Variants in HCN1 observed in about 807,000 individuals in gnomAD.
HCN1 encodes hyperpolarization activated cyclic nucleotide gated potassium channel 1, also known as potassium/sodium hyperpolarization-activated cyclic nucleotide-gated channel 1.
Under a neutral mutation model 78.9 loss-of-function variants are expected in HCN1, and 13 were observed. The ratio of observed to expected loss-of-function variants is 0.16; its 90% CI spans 0.11 to 0.26. HCN1 has a LOEUF of 0.26. Among genes scored for constraint, HCN1 ranks in the 10% least tolerant of loss-of-function variants. The pLI, the probability that HCN1 is intolerant of heterozygous loss-of-function variation, is 1.00. For synonymous variants in HCN1, 552 were observed against 455.5 expected (o/e 1.21, Z -2.70); for missense variants, 810 against 1,154.3 (o/e 0.70, Z 4.32).
chr5:45,633,339 T>C (rs1035569449), intron 2 of HCN1, among the ~76,000 whole-genome samples: 3 of 151,934 alleles, frequency 2.0e-5, no homozygotes, highest in Admixed American at 6.6e-5. Flanking sequence ...CACCTTTTAG[T>C]AAAGCATGGT....
At chr5:45,660,596 A>G (rs1381483356) in intron 1 of HCN1, among the ~76,000 whole-genome samples, 1 of 152,142 alleles carries the variant, frequency 6.6e-6, no homozygotes, top group East Asian at 1.9e-4. Flanking sequence ...TCAAAATAAA[A>G]GCATGGAAGA....
intron 6 of HCN1, among the ~76,000 whole-genome samples, chr5:45,297,174 C>T (rs1004976594): frequency 2.0e-5 from 3 of 152,000 alleles, no homozygotes; most frequent in East Asian, 1.9e-4. Flanking sequence ...TTATGGGAAA[C>T]GAAGAGATGG....
chr5:45,695,557 G>T, intron 1 of HCN1, 112 bp downstream of exon 1: 2 of 1,084,248 alleles, frequency 1.8e-6, no homozygotes, highest in Non-Finnish European at 2.7e-6. Context: ...CGCCGGCAGC[G>T]CCACCCCCCG....
chr5:45,498,145 T>G (rs944632394), intron 2 of HCN1, among the ~76,000 whole-genome samples: 3 of 152,210 alleles, frequency 2.0e-5, no homozygotes, highest in African/African-American at 4.8e-5. Context: ...CTTGCTAGAC[T>G]GGGGAAGTTC....
At chr5:45,689,103 T>C (rs187119606) in intron 1 of HCN1, among the ~76,000 whole-genome samples, 63 of 152,176 alleles carry the variant, frequency 4.1e-4, no homozygotes, top group African/African-American at 1.3e-3. Flanking sequence ...CTAGAAAATA[T>C]TGAATTGCTT....
At chr5:45,350,344 T>C (rs1248260726) in intron 5 of HCN1, among the ~76,000 whole-genome samples, 1 of 152,162 alleles carries the variant, frequency 6.6e-6, no homozygotes, top group African/African-American at 2.4e-5. Flanking sequence ...CTAAAAACTC[T>C]CAATAAATTA....
chr5:45,576,213 T>C (rs999620296), intron 2 of HCN1: 9 of 152,186 alleles, frequency 5.9e-5, no homozygotes, highest in Middle Eastern at 3.4e-3. Context: ...ATGACAAAAG[T>C]TGAATGAATG....
chr5:45,496,654 A>G (rs574444731), intron 2 of HCN1, among the ~76,000 whole-genome samples: 19 of 152,210 alleles, frequency 1.2e-4, no homozygotes, highest in Non-Finnish European at 2.8e-4. Context: ...TCAAAAAACC[A>G]GCTCCTGGAT....
chr5:45,470,304 A>G (rs1741365163), intron 2 of HCN1, among the ~76,000 whole-genome samples: 1 of 152,022 alleles, frequency 6.6e-6, no homozygotes, highest in Non-Finnish European at 1.5e-5. Context: ...TTTTGGTATT[A>G]AACCAATAAT....
intron 2 of HCN1, among the ~76,000 whole-genome samples, chr5:45,639,883 C>A (rs1305007133): frequency 4.6e-5 from 7 of 152,126 alleles, no homozygotes; most frequent in Admixed American, 4.6e-4. Flanking sequence ...ATCAATGGCA[C>A]CTTTTGATTA....
chr5:45,486,266 G>A (rs1355565876), intron 2 of HCN1, among the ~76,000 whole-genome samples: 1 of 152,250 alleles, frequency 6.6e-6, no homozygotes, highest in South Asian at 2.1e-4. Flanking sequence ...AGGAATCATA[G>A]CTATTGATTA....
intron 3 of HCN1, among the ~76,000 whole-genome samples, chr5:45,417,575 T>C (rs551496676): frequency 6.6e-6 from 1 of 151,818 alleles, no homozygotes; most frequent in South Asian, 2.1e-4. Context: ...ATATTCTTAA[T>C]TGTGATATCC....
chr5:45,539,959 T>C (rs920689676), intron 2 of HCN1, among the ~76,000 whole-genome samples: 1 of 136,716 alleles, frequency 7.3e-6, no homozygotes, highest in Non-Finnish European at 1.6e-5. Context: ...TATATATATA[T>C]AAAATGTTTA....
Position 45,497,515 on chromosome 5 carries a change from G to T in HCN1, c.850-35508C>A, listed in dbSNP as rs370255621. 3.4e-4 allele frequency among the ~76,000 whole-genome samples: 52 copies of T among 152,246 alleles called. 1 individual carries two copies. In the East Asian group the frequency reaches 7.9e-3, roughly 23 times the overall value. ...TTAAAGTCTGTTTTATCACAGACTA[G>T]GATTGCAACCCCTGCCTTTTTTTGT... On this transcript the variant is annotated intron_variant, in intron 2 of 7. Coordinates refer to ENST00000303230, the MANE Select transcript of HCN1 (RefSeq NM_021072.4).
At chr5:45,534,748 A>C (rs899114373) in intron 2 of HCN1, among the ~76,000 whole-genome samples, 1 of 152,164 alleles carries the variant, frequency 6.6e-6, no homozygotes, top group African/African-American at 2.4e-5. Context: ...TTGATAATAG[A>C]AGAGCTAACC....
chr5:45,642,172 T>G (rs1182622224), intron 2 of HCN1: 1 of 152,170 alleles, frequency 6.6e-6, no homozygotes, highest in African/African-American at 2.4e-5. Context: ...TATATAAAGT[T>G]TCAGTGTAAT....
chr5:45,617,859 A>C (rs1383165842), intron 2 of HCN1, among the ~76,000 whole-genome samples: 1 of 152,122 alleles, frequency 6.6e-6, no homozygotes, highest in African/African-American at 2.4e-5. Flanking sequence ...TAATTTAAAA[A>C]AAGACATTCC....
intron 2 of HCN1, among the ~76,000 whole-genome samples, chr5:45,470,639 G>A (rs931463017): frequency 3.6e-4 from 54 of 151,980 alleles, no homozygotes; most frequent in African/African-American, 1.2e-3. Context: ...CTGAATTGTC[G>A]AAAGTTTATT....
chr5:45,328,044 C>T (rs1362788810), intron 5 of HCN1, among the ~76,000 whole-genome samples: 1 of 151,678 alleles, frequency 6.6e-6, no homozygotes, highest in Non-Finnish European at 1.5e-5. Context: ...GAAGATCTGC[C>T]AAGATGTATC....
Sources: gnomAD v4.1 joint callset for allele counts (sites outside exome capture counted in the v4.1 genomes callset) on GRCh38, gnomAD v4.1.1 for gene constraint, MANE v1.5 for transcripts, NCBI Gene and HGNC (gene_info 2026-07-23, HGNC 2026-07-21) for gene names.